The following NEDD4L variants were observed in gnomAD, a reference collection of about 807,000 sequenced individuals.
NEDD4L encodes the protein E3 ubiquitin-protein ligase NEDD4-like.
NEDD4L carries 54 observed loss-of-function variants against 148.9 expected under a neutral mutation model. The observed-to-expected ratio is 0.36, with a 90% CI of 0.29 to 0.45. The LOEUF (loss-of-function observed/expected upper bound fraction) is 0.45, where lower values mean the gene tolerates loss of function less well. Ranked by LOEUF, NEDD4L falls within the 20% of genes least tolerant of loss-of-function variation. The pLI is 1.00. For missense variants in NEDD4L, 856 were observed against 1,233.8 expected (o/e 0.69, Z 4.59); for synonymous variants, 433 against 440.7 (o/e 0.98, Z 0.22).
At position 58,261,844 on chromosome 18, in the gene NEDD4L, C is replaced by T. The variant is rs556326136; in HGVS notation, c.297+9790C>T. On this transcript the variant is annotated intron_variant, in intron 5 of 30. Transcript: ENST00000400345. ...CGATACAGGTTAGCTATCCTAAATA[C>T]GTTTTTACCTTTTTAACTCTTAATT... 5.4e-4 allele frequency among the ~76,000 whole-genome samples: 82 copies of T among 152,246 alleles called. No individual in the cohort carries two copies. In the South Asian group the frequency reaches 0.016, roughly 29 times the overall value.
At chr18:58,259,326 T>A (rs78712974) in intron 5 of NEDD4L, among the ~76,000 whole-genome samples, 8,306 of 152,310 alleles carry the variant, frequency 0.055, 339 homozygotes, top group Middle Eastern at 0.088. Context: ...CGTATAGTCA[T>A]CAATTATAAT....
intron 1 of NEDD4L, among the ~76,000 whole-genome samples, chr18:58,109,891 A>G (rs1416131676): frequency 3.3e-5 from 5 of 152,138 alleles, no homozygotes; most frequent in Non-Finnish European, 5.9e-5. Context: ...TTAAGCAGGG[A>G]AGCAATTTGA....
intron 2 of NEDD4L, among the ~76,000 whole-genome samples, chr18:58,209,913 T>C (rs1474450449): frequency 6.6e-6 from 1 of 152,140 alleles, no homozygotes; most frequent in African/African-American, 2.4e-5. Flanking sequence ...ACACCTGTAA[T>C]TCTAGCACTT....
At chr18:58,296,943 C>G (rs933214670) in intron 5 of NEDD4L, among the ~76,000 whole-genome samples, 2 of 151,578 alleles carry the variant, frequency 1.3e-5, no homozygotes, top group African/African-American at 4.8e-5. Context: ...AAAAGTTAAA[C>G]GAGTGTCTTG....
chr18:58,356,364 A>ACC (rs1390432569), intron 18 of NEDD4L, among the ~76,000 whole-genome samples: 5 of 137,340 alleles, frequency 3.6e-5, no homozygotes, highest in African/African-American at 1.4e-4. Context: ...AGTGTGCCCC[A>ACC]CCCCCCGTAC....
At chr18:58,335,264 GTCA>G (rs2041576028) in intron 12 of NEDD4L, among the ~76,000 whole-genome samples, 1 of 152,166 alleles carries the variant, frequency 6.6e-6, no homozygotes, top group African/African-American at 2.4e-5. Context: ...GTTTACCCAG[GTCA>G]AGGATGAGCC....
At chr18:58,103,192 C>T (rs1384841208) in intron 1 of NEDD4L, among the ~76,000 whole-genome samples, 2 of 149,056 alleles carry the variant, frequency 1.3e-5, no homozygotes, top group African/African-American at 4.9e-5. Context: ...AAACTATTTG[C>T]TATATATAGT....
intron 5 of NEDD4L, among the ~76,000 whole-genome samples, chr18:58,272,450 A>G (rs2051181807): frequency 6.6e-6 from 1 of 152,152 alleles, no homozygotes; most frequent in Non-Finnish European, 1.5e-5. Context: ...AGTCTGGGCA[A>G]CATGGCAAAA....
In NEDD4L at chr18:58,366,243, A is replaced by G; in HGVS notation, c.2063+15A>G. ...TACTCTGCCACGTAAGTATATGGCC[A>G]CACCCAGTGTGTGTCCCCCACTGAG... On this transcript the variant is annotated intron_variant, in intron 21 of 30. Coordinates refer to ENST00000400345, the MANE Select transcript of NEDD4L (RefSeq NM_001144967.3). The surrounding 1 kb of genome is among the most constrained non-coding windows in gnomAD (Gnocchi z 4.2). 6.5e-7 allele frequency: 1 copy of G among 1,534,690 alleles called. No individual in the cohort carries two copies. Among genetic ancestry groups the G allele is most frequent in the Non-Finnish European group, 8.9e-7 (1 of 1,125,652 alleles).
intron 1 of NEDD4L, among the ~76,000 whole-genome samples, chr18:58,140,642 C>T (rs571679000): frequency 6.6e-6 from 1 of 152,322 alleles, no homozygotes; most frequent in East Asian, 1.9e-4. Context: ...ATTCTTTTGT[C>T]CATTTCTGAG....
intron 2 of NEDD4L, among the ~76,000 whole-genome samples, chr18:58,227,442 A>G (rs1395479450): frequency 2.0e-5 from 3 of 152,100 alleles, no homozygotes; most frequent in African/African-American, 7.2e-5. Context: ...AGCTGTCAGT[A>G]TTTGGAGGTG....
At chr18:58,137,299 A>G (rs943177798) in intron 1 of NEDD4L, among the ~76,000 whole-genome samples, 1 of 152,216 alleles carries the variant, frequency 6.6e-6, no homozygotes, top group Non-Finnish European at 1.5e-5. Flanking sequence ...CTAAAAAGAC[A>G]ATAGAAATGA....
At chr18:58,150,882 C>G (rs1234589614) in intron 1 of NEDD4L, among the ~76,000 whole-genome samples, 1 of 152,140 alleles carries the variant, frequency 6.6e-6, no homozygotes. Context: ...ACCATGACCC[C>G]CTTCTCCTGT....
chr18:58,257,543 T>C (rs578035218), intron 5 of NEDD4L, among the ~76,000 whole-genome samples: 1 of 152,258 alleles, frequency 6.6e-6, no homozygotes, highest in South Asian at 2.1e-4. Flanking sequence ...ACTGCACACT[T>C]GAGTGTCCAA....
At chr18:58,110,897 T>C (rs2085377835) in intron 1 of NEDD4L, among the ~76,000 whole-genome samples, 1 of 152,216 alleles carries the variant, frequency 6.6e-6, no homozygotes, top group South Asian at 2.1e-4. Context: ...ATTATCCTTT[T>C]GTCCAAGGTA....
chr18:58,362,751 G>A (rs1304176945), intron 19 of NEDD4L, among the ~76,000 whole-genome samples: 1 of 152,224 alleles, frequency 6.6e-6, no homozygotes, highest in Non-Finnish European at 1.5e-5. Flanking sequence ...TTGAATGGAC[G>A]AGAATGAACA....
intron 5 of NEDD4L, among the ~76,000 whole-genome samples, chr18:58,269,964 C>G (rs967031385): frequency 1.3e-5 from 2 of 152,312 alleles, no homozygotes; most frequent in East Asian, 3.9e-4. Context: ...TATAAAAGAG[C>G]TTCTCTCCTA....
At chr18:58,179,245 A>T (rs1324816239) in intron 2 of NEDD4L, among the ~76,000 whole-genome samples, 3 of 152,176 alleles carry the variant, frequency 2.0e-5, no homozygotes, top group Non-Finnish European at 4.4e-5. Flanking sequence ...ATGTTCTTGA[A>T]GTGAGACTTC....
At chr18:58,299,830 G>T (rs1459546131) in intron 5 of NEDD4L, among the ~76,000 whole-genome samples, 1 of 152,180 alleles carries the variant, frequency 6.6e-6, no homozygotes, top group African/African-American at 2.4e-5. Context: ...TCTCAAGATG[G>T]TATCCAAAGT....
Sources: allele counts gnomAD v4.1 joint callset (sites outside exome capture counted in the v4.1 genomes callset), GRCh38; gene constraint gnomAD v4.1.1; non-coding constraint Gnocchi (gnomAD v3.1); transcripts MANE v1.5; gene names NCBI Gene and HGNC (gene_info 2026-07-23, HGNC 2026-07-21).